SLC24A2: variants seen among roughly 807,000 people sequenced by gnomAD.
SLC24A2 encodes sodium/potassium/calcium exchanger 2.
SLC24A2 carries 36 observed loss-of-function variants against 62.0 expected under a neutral mutation model. That is an observed-to-expected ratio of 0.58 (90% CI 0.44 to 0.77). SLC24A2 has a LOEUF of 0.77. Among genes scored for constraint, SLC24A2 ranks in the 30% least tolerant of loss-of-function variants. The pLI, the probability that SLC24A2 is intolerant of heterozygous loss-of-function variation, is 0.00. For missense variants in SLC24A2, 846 were observed against 817.9 expected (o/e 1.03, Z -0.42); for synonymous variants, 358 against 294.0 (o/e 1.22, Z -2.23).
chr9:19,629,451 G>C (rs1420334030), intron 2 of SLC24A2, among the ~76,000 whole-genome samples: 1 of 152,194 alleles, frequency 6.6e-6, no homozygotes, highest in African/African-American at 2.4e-5. Flanking sequence ...TGGGAGTAGA[G>C]AAAGTTACAG....
intron 10 of SLC24A2, among the ~76,000 whole-genome samples, chr9:19,519,307 C>G (rs544171964): frequency 6.1e-5 from 9 of 147,110 alleles, no homozygotes; most frequent in African/African-American, 2.3e-4. Flanking sequence ...GTGTTGTTTC[C>G]GAGTAATAGG....
At chr9:19,986,761 G>A in the SLC24A2 span, among the ~76,000 whole-genome samples, 2 of 152,026 alleles carry the variant, frequency 1.3e-5, no homozygotes, top group Non-Finnish European at 1.5e-5. Flanking sequence ...AAAGCAGATT[G>A]GTAGTTGCCC....
chr9:19,914,321 T>A, the SLC24A2 span, among the ~76,000 whole-genome samples: 1 of 151,960 alleles, frequency 6.6e-6, no homozygotes, highest in Non-Finnish European at 1.5e-5. Context: ...TCTTGACACA[T>A]GCCTCCTAAA....
chr9:20,058,603 C>T, the SLC24A2 span, among the ~76,000 whole-genome samples: 64 of 152,142 alleles, frequency 4.2e-4, no homozygotes, highest in African/African-American at 1.3e-3. Flanking sequence ...CTTGCCAAGA[C>T]GCATTAAATA....
At chr9:20,303,161 G>A in the SLC24A2 span, among the ~76,000 whole-genome samples, 2 of 151,572 alleles carry the variant, frequency 1.3e-5, no homozygotes, top group East Asian at 3.9e-4. Flanking sequence ...TCATCATAAG[G>A]CTGCTGCCCT....
intron 7 of SLC24A2, among the ~76,000 whole-genome samples, chr9:19,560,897 G>GTGTA (rs1287721646): frequency 4.7e-5 from 6 of 128,570 alleles, no homozygotes; most frequent in South Asian, 2.6e-4. Context: ...GTGTGTGTGT[G>GTGTA]TATATATATA....
chr9:20,189,725 G>A, the SLC24A2 span, among the ~76,000 whole-genome samples: 2 of 152,174 alleles, frequency 1.3e-5, no homozygotes. Context: ...CAGTTTCCTT[G>A]GTGTCCACAG....
At chr9:20,034,767 C>T in the SLC24A2 span, among the ~76,000 whole-genome samples, 1 of 152,144 alleles carries the variant, frequency 6.6e-6, no homozygotes, top group African/African-American at 2.4e-5. Flanking sequence ...CGCGCCCGGC[C>T]TGCCTTTTAA....
intron 8 of SLC24A2, among the ~76,000 whole-genome samples, chr9:19,541,911 C>G (rs1178802649): frequency 6.6e-6 from 1 of 152,146 alleles, no homozygotes; most frequent in Admixed American, 6.5e-5. Flanking sequence ...TCTCCTGGTG[C>G]GCCGTTTTTC....
chr9:20,041,713 A>G, the SLC24A2 span, among the ~76,000 whole-genome samples: 2 of 152,258 alleles, frequency 1.3e-5, no homozygotes, highest in Non-Finnish European at 2.9e-5. Flanking sequence ...GCCAAAGGAA[A>G]GATGGGCAGG....
At chr9:20,285,669 A>G in the SLC24A2 span, among the ~76,000 whole-genome samples, 78,225 of 152,050 alleles carry the variant, frequency 0.51, 20,917 homozygotes, top group African/African-American at 0.68. Context: ...ATGTACCCAG[A>G]ATGTTTGACC....
the SLC24A2 span, among the ~76,000 whole-genome samples, chr9:20,095,008 T>C: frequency 6.6e-6 from 1 of 152,178 alleles, no homozygotes; most frequent in Non-Finnish European, 1.5e-5. Flanking sequence ...TCCAACTACA[T>C]ATTTGTGTGA....
At chr9:19,615,538 T>C (rs1817744999) in intron 4 of SLC24A2, among the ~76,000 whole-genome samples, 1 of 152,188 alleles carries the variant, frequency 6.6e-6, no homozygotes, top group Non-Finnish European at 1.5e-5. Context: ...GGGGGAAAAA[T>C]ACCAGAGCAA....
chr9:20,281,515 T>C, the SLC24A2 span, among the ~76,000 whole-genome samples: 1 of 152,206 alleles, frequency 6.6e-6, no homozygotes, highest in Non-Finnish European at 1.5e-5. Context: ...ATAATGCTGA[T>C]GTCTAATCAC....
At chr9:19,808,572 T>A in the SLC24A2 span, among the ~76,000 whole-genome samples, 1 of 152,190 alleles carries the variant, frequency 6.6e-6, no homozygotes. This position sits in a 1 kb window ranked among gnomAD's most constrained non-coding sequence, Gnocchi z 4.1. Flanking sequence ...ATCCGATGGA[T>A]GTCTGGTAGG....
chr9:19,894,963 C>T, the SLC24A2 span, among the ~76,000 whole-genome samples: 4 of 152,172 alleles, frequency 2.6e-5, no homozygotes, highest in South Asian at 8.3e-4. Flanking sequence ...CATTTTCTTC[C>T]CCGACAACCT....
chr9:19,825,402 T>C, the SLC24A2 span, among the ~76,000 whole-genome samples: 2 of 152,138 alleles, frequency 1.3e-5, no homozygotes, highest in Admixed American at 6.6e-5. Flanking sequence ...ATGGGTCCCA[T>C]TGAATGAGGA....
the SLC24A2 span, among the ~76,000 whole-genome samples, chr9:19,960,014 G>T: frequency 2.0e-5 from 3 of 152,160 alleles, no homozygotes; most frequent in Non-Finnish European, 4.4e-5. Flanking sequence ...AGCACACCAA[G>T]AATTACAACT....
the SLC24A2 span, chr9:19,968,064 C>G: frequency 1.3e-5 from 2 of 152,140 alleles, no homozygotes; most frequent in African/African-American, 4.8e-5. Flanking sequence ...TTGGTTTCCC[C>G]ACCTATAAAA....
Sources: gnomAD v4.1 joint callset for allele counts (sites outside exome capture counted in the v4.1 genomes callset) on GRCh38, gnomAD v4.1.1 for gene constraint, Gnocchi (gnomAD v3.1) non-coding constraint, MANE v1.5 for transcripts, NCBI Gene and HGNC (gene_info 2026-07-23, HGNC 2026-07-21) for gene names.